Variants in BAALC observed in about 807,000 individuals in gnomAD.
The protein encoded by BAALC is brain and acute leukemia cytoplasmic protein.
BAALC carries 9 observed loss-of-function variants against 15.5 expected under a neutral mutation model. The observed-to-expected ratio is 0.58, with a 90% CI of 0.35 to 1.02. The LOEUF is 1.02. BAALC is among the 50% of genes least tolerant of loss of function. The pLI is 0.02. For synonymous variants in BAALC, 80 were observed against 74.6 expected (o/e 1.07, Z -0.37); for missense variants, 201 against 192.4 (o/e 1.04, Z -0.27).
At chr8:103,193,712 C>T (rs1812026466) in intron 1 of BAALC, among the ~76,000 whole-genome samples, 1 of 152,184 alleles carries the variant, frequency 6.6e-6, no homozygotes, top group Admixed American at 6.5e-5. Context: ...ATGAGAATAA[C>T]AATGCCCACT....
intron 2 of BAALC, among the ~76,000 whole-genome samples, chr8:103,223,239 C>A (rs888522115): frequency 1.3e-5 from 2 of 152,150 alleles, no homozygotes; most frequent in Admixed American, 1.3e-4. Context: ...ACCTGGGAGG[C>A]AGAGGTTGCA....
chr8:103,143,962 T>A (rs1381055640), intron 1 of BAALC, among the ~76,000 whole-genome samples: 1 of 152,176 alleles, frequency 6.6e-6, no homozygotes, highest in Admixed American at 6.5e-5. Context: ...CTTTAAAAAG[T>A]TCTCCCCAAC....
chr8:103,209,389 A>G lies in BAALC; in HGVS notation c.161-3530A>G, dbSNP rs570336200. ...TCCATCTGAAAAAAAACAAGGCAAC[A>G]TCTGTATGGCACACTGGGGGAGACA... On this transcript the variant is annotated intron_variant, in intron 1 of 2. Transcript: ENST00000309982. 1.8e-4 allele frequency among the ~76,000 whole-genome samples: 28 copies of G among 152,208 alleles called. No individual in the cohort carries two copies. The South Asian group carries it at 4.8e-3, about 26-fold the overall frequency.
chr8:103,211,088 T>G (rs1042585400), intron 1 of BAALC, among the ~76,000 whole-genome samples: 1 of 152,196 alleles, frequency 6.6e-6, no homozygotes, highest in African/African-American at 2.4e-5. Context: ...AAGGTCTGTC[T>G]TAGGTTGGGC....
chr8:103,201,139 A>C (rs1478483683), intron 1 of BAALC, among the ~76,000 whole-genome samples: 4 of 152,050 alleles, frequency 2.6e-5, no homozygotes, highest in African/African-American at 7.2e-5. Context: ...ACAAGCAGGG[A>C]AAATTGTCTG....
chr8:103,171,325 AAG>A (rs1034620002), intron 1 of BAALC, among the ~76,000 whole-genome samples: 12 of 148,336 alleles, frequency 8.1e-5, no homozygotes, highest in African/African-American at 2.7e-4. Flanking sequence ...CAGTGAGAGA[AAG>A]AGAGAAAGAA....
intron 1 of BAALC, among the ~76,000 whole-genome samples, chr8:103,171,558 T>C (rs939253237): frequency 2.6e-5 from 4 of 152,246 alleles, no homozygotes; most frequent in African/African-American, 9.6e-5. Flanking sequence ...AATATCCAGA[T>C]TCTAGTCCCT....
chr8:103,178,147 CTT>C (rs1811645809), intron 1 of BAALC, among the ~76,000 whole-genome samples: 1 of 152,144 alleles, frequency 6.6e-6, no homozygotes, highest in Non-Finnish European at 1.5e-5. Flanking sequence ...ATGTTAAAAA[CTT>C]AATTATCATA....
intron 1 of BAALC, among the ~76,000 whole-genome samples, chr8:103,176,362 C>T (rs72673306): frequency 6.6e-6 from 1 of 151,706 alleles, no homozygotes; most frequent in Non-Finnish European, 1.5e-5. Flanking sequence ...GACAAAAAAA[C>T]CCAAAAATTC....
rs867267989 is a variant in BAALC, at chr8:103,141,051, C to A, written c.154C>A (p.His52Asn). The change falls in exon 1 of 3, where the codon CAC becomes AAC. Residue 52 changes from histidine (H) to asparagine (N), a missense_variant. Physicochemically the swap from His to Asn is moderately conservative, Grantham distance 68. Transcript: ENST00000309982. ...CAGCGGCCCCGAAGCGGGCGGCCTG[C>A]ACTCGGGTAAGTGGCCGGGCCCCTG... The part of the protein sequence containing the change: ...PDSGPEAGGL[H>N]SGMLEDGLPS... The A allele has an allele frequency of 7.4e-6, 11 of 1,495,966 alleles. No homozygotes were observed. The highest frequency in any genetic ancestry group is 9.8e-6 in the Non-Finnish European group (11 of 1,122,848). 92.7% of individuals were successfully genotyped at this position (1,495,966 alleles called of 1,614,324 possible).
chr8:103,212,114 A>G (rs1315133480), intron 1 of BAALC, among the ~76,000 whole-genome samples: 2 of 152,094 alleles, frequency 1.3e-5, no homozygotes, highest in Non-Finnish European at 2.9e-5. Context: ...AGGCACACAT[A>G]CTCAGTCCAA....
rs1812896026 is a variant in BAALC at position 103,230,096 on chromosome 8, G to C, written c.*1997G>C. The C allele has an allele frequency of 6.6e-6, 1 of 152,172 alleles. No individual in the cohort carries two copies. The highest frequency in any genetic ancestry group is 1.5e-5 in the Non-Finnish European group (1 of 68,030). The allele number at this position is 152,172 out of a possible 1,614,324, so 9.4% of individuals were successfully genotyped here. ...TAGAAACACTTTCTCACTTACAGGG[G>C]AGAAGGAAATGCAGGGCACATGATC... On this transcript the variant is annotated 3_prime_UTR_variant, in exon 3 of 3. Transcript: ENST00000309982.
intron 1 of BAALC, among the ~76,000 whole-genome samples, chr8:103,207,779 A>G (rs1055092062): frequency 3.3e-5 from 5 of 152,236 alleles, no homozygotes; most frequent in African/African-American, 1.2e-4. Context: ...CACAGGACAT[A>G]TCGCTGGGTG....
chr8:103,153,981 G>T (rs1005253101), intron 1 of BAALC, among the ~76,000 whole-genome samples: 9 of 152,166 alleles, frequency 5.9e-5, no homozygotes, highest in African/African-American at 2.2e-4. Context: ...TCAGGCTTAA[G>T]CACCTCAATA....
chr8:103,170,254 C>G (rs1454414600), intron 1 of BAALC, among the ~76,000 whole-genome samples: 1 of 150,032 alleles, frequency 6.7e-6, no homozygotes, highest in Non-Finnish European at 1.5e-5. Flanking sequence ...TTTTTAAAGC[C>G]GCTTGGTTAT....
At chr8:103,154,811 T>C (rs1027487536) in intron 1 of BAALC, 5 of 154,474 alleles carry the variant, frequency 3.2e-5, no homozygotes, top group African/African-American at 9.6e-5. Flanking sequence ...TCTGCTATTA[T>C]ACTGTATACT....
intron 1 of BAALC, among the ~76,000 whole-genome samples, chr8:103,150,427 G>A (rs950114462): frequency 5.3e-5 from 8 of 151,920 alleles, no homozygotes; most frequent in Admixed American, 1.3e-4. Context: ...AGTCTCAAAT[G>A]CCCTTGAGGT....
chr8:103,217,770 C>A (rs184764980), intron 2 of BAALC, among the ~76,000 whole-genome samples: 1 of 152,144 alleles, frequency 6.6e-6, no homozygotes, highest in Non-Finnish European at 1.5e-5. Flanking sequence ...GCAATCCTTG[C>A]GAGGCCTGGA....
chr8:103,201,085 TCTGA>T (rs1165305152), intron 1 of BAALC, among the ~76,000 whole-genome samples: 2 of 152,262 alleles, frequency 1.3e-5, no homozygotes, highest in East Asian at 3.9e-4. Context: ...TTTTAAAATC[TCTGA>T]CTGATTAAAT....
Sources: gnomAD v4.1 joint callset for allele counts (sites outside exome capture counted in the v4.1 genomes callset) on GRCh38, gnomAD v4.1.1 for gene constraint, MANE v1.5 for transcripts, NCBI Gene and HGNC (gene_info 2026-07-23, HGNC 2026-07-21) for gene names.